Variants in PSTPIP2 observed in about 807,000 individuals in gnomAD.
PSTPIP2 encodes proline-serine-threonine phosphatase interacting protein 2.
In PSTPIP2, 33 loss-of-function variants were observed where a neutral mutation model predicts 63.3. That is an observed-to-expected ratio of 0.52 (90% CI 0.40 to 0.70). PSTPIP2 has a LOEUF of 0.70. Ranked by LOEUF, PSTPIP2 falls within the 30% of genes least tolerant of loss-of-function variation. The pLI, the probability that PSTPIP2 is intolerant of heterozygous loss-of-function variation, is 0.00. For missense variants in PSTPIP2, 312 were observed against 400.7 expected (o/e 0.78, Z 1.89); for synonymous variants, 125 against 132.7 (o/e 0.94, Z 0.40).
At chr18:46,005,837 A>C (rs112155707) in intron 5 of PSTPIP2, among the ~76,000 whole-genome samples, 2 of 152,232 alleles carry the variant, frequency 1.3e-5, no homozygotes, top group African/African-American at 4.8e-5. Flanking sequence ...TTTGGTTTCA[A>C]AAAGGAATTT....
chr18:46,064,460 T>TTA (rs1463523642), intron 1 of PSTPIP2, among the ~76,000 whole-genome samples: 1 of 143,018 alleles, frequency 7.0e-6, no homozygotes, highest in Non-Finnish European at 1.5e-5. Context: ...CTGGCTAATT[T>TTA]TTTTTTTTTT....
intron 1 of PSTPIP2, among the ~76,000 whole-genome samples, chr18:46,050,608 T>C (rs757412056): frequency 1.8e-4 from 28 of 152,054 alleles, no homozygotes; most frequent in Non-Finnish European, 2.9e-4. Flanking sequence ...GCAACCTAAA[T>C]ATTCAGCAAT....
At chr18:46,055,608 T>C (rs1254423037) in intron 1 of PSTPIP2, among the ~76,000 whole-genome samples, 1 of 152,216 alleles carries the variant, frequency 6.6e-6, no homozygotes, top group African/African-American at 2.4e-5. Flanking sequence ...CATGAGCCAC[T>C]GTGCCCAGCC....
At chr18:46,030,272 A>C (rs920069609) in intron 2 of PSTPIP2, among the ~76,000 whole-genome samples, 1 of 152,176 alleles carries the variant, frequency 6.6e-6, no homozygotes, top group Non-Finnish European at 1.5e-5. Flanking sequence ...ACTTTCCTGA[A>C]TGTGTGATAA....
intron 3 of PSTPIP2, among the ~76,000 whole-genome samples, chr18:46,023,762 CTA>C (rs1907469456): frequency 1.3e-5 from 2 of 152,008 alleles, no homozygotes; most frequent in Non-Finnish European, 2.9e-5. Context: ...GCCCAGAAGT[CTA>C]TGTCTCTTCA....
intron 1 of PSTPIP2, among the ~76,000 whole-genome samples, chr18:46,064,400 C>T (rs1292535069): frequency 2.1e-5 from 3 of 145,936 alleles, no homozygotes; most frequent in Admixed American, 1.4e-4. Flanking sequence ...AGGCGATTCT[C>T]CTGCCACAGC....
chr18:46,026,586 C>T (rs1014940786), intron 2 of PSTPIP2, among the ~76,000 whole-genome samples: 5 of 152,168 alleles, frequency 3.3e-5, no homozygotes, highest in African/African-American at 1.2e-4. Flanking sequence ...AAGAAAAGTA[C>T]AGGCTGGGCA....
At chr18:46,072,120 T>C (rs2144144521) in intron 1 of PSTPIP2, 36 bp downstream of exon 1, 1 of 1,526,202 alleles carries the variant, frequency 6.6e-7, no homozygotes, top group Non-Finnish European at 8.8e-7. Flanking sequence ...GGCCGGGTCC[T>C]GAGCCCCGCG....
At chr18:45,996,393 C>T (rs2051594445) in intron 9 of PSTPIP2, among the ~76,000 whole-genome samples, 2 of 152,278 alleles carry the variant, frequency 1.3e-5, no homozygotes, top group Admixed American at 6.5e-5. Flanking sequence ...GTTTCTGATT[C>T]GGTAGGTCTG....
chr18:46,064,553 G>C (rs1909113738), intron 1 of PSTPIP2, among the ~76,000 whole-genome samples: 2 of 150,510 alleles, frequency 1.3e-5, no homozygotes, highest in Admixed American at 6.7e-5. Flanking sequence ...ACCCGCCTGG[G>C]CCTCCCAAAG....
rs1050500239 is a variant in PSTPIP2 at position 45,983,877 on chromosome 18, T to C, written c.*1582A>G. On this transcript the variant is annotated 3_prime_UTR_variant, in exon 15 of 15. Coordinates refer to ENST00000409746, the MANE Select transcript of PSTPIP2 (RefSeq NM_024430.4). ...AGGTGGGGAAATAGGCCGGGCGCAG[T>C]GGCTCACGCCTGTAATCCCAGCACT... The C allele has an allele frequency of 3.3e-5, 5 of 152,412 alleles. No individual in the cohort carries two copies. The highest frequency in any genetic ancestry group is 1.2e-4 in the African/African-American group (5 of 41,568). The allele number at this position is 152,412 out of a possible 1,614,324, so 9.4% of individuals were successfully genotyped here.
At chr18:46,016,007 T>C in intron 3 of PSTPIP2, 70 bp from the exon 4 acceptor site, 3 of 1,520,740 alleles carry the variant, frequency 2.0e-6, no homozygotes, top group East Asian at 4.7e-5. Flanking sequence ...ATAATGCCTT[T>C]GCATGCTTCT....
In PSTPIP2 at chr18:46,022,682, G is replaced by C. The variant is rs79843032; in HGVS notation, c.212+1927C>G. On this transcript the variant is annotated intron_variant, in intron 3 of 14. Transcript: ENST00000409746. ...ACCCTTCTAAGTGTGAGTTGCCACA[G>C]GACACCAGGGAAACCAGCCTTGTGT... Among the ~76,000 whole-genome samples the C allele has an allele frequency of 5.4e-3, 824 of 152,266 alleles. 13 individuals carry two copies. The highest frequency in any genetic ancestry group is 4.4e-3 in the Non-Finnish European group (296 of 68,018).
intron 1 of PSTPIP2, among the ~76,000 whole-genome samples, chr18:46,060,162 TTATTA>T (rs1253172087): frequency 6.6e-6 from 1 of 152,202 alleles, no homozygotes. Flanking sequence ...CTTTATAATA[TTATTA>T]TATTTCAAAT....
chr18:46,057,389 G>A (rs547678721), intron 1 of PSTPIP2, among the ~76,000 whole-genome samples: 69 of 151,290 alleles, frequency 4.6e-4, no homozygotes, highest in African/African-American at 1.5e-3. Flanking sequence ...GTACAATGGC[G>A]CAGTCTCAGC....
chr18:46,060,151 T>C (rs1223744262), intron 1 of PSTPIP2, among the ~76,000 whole-genome samples: 1 of 152,216 alleles, frequency 6.6e-6, no homozygotes, highest in East Asian at 1.9e-4. Context: ...CATTTAAATA[T>C]CTTTATAATA....
At chr18:46,019,523 G>A (rs765314883) in intron 3 of PSTPIP2, among the ~76,000 whole-genome samples, 4 of 152,038 alleles carry the variant, frequency 2.6e-5, no homozygotes, top group East Asian at 1.9e-4. Flanking sequence ...TATTGAGGCC[G>A]GGTGCAGTGG....
Position 46,007,486 on chromosome 18 carries a change from G to C in PSTPIP2, c.355-1955C>G, listed in dbSNP as rs76162070. 6.5e-4 allele frequency among the ~76,000 whole-genome samples: 99 copies of C among 152,372 alleles called. No homozygotes were observed. In the East Asian group the frequency reaches 9.1e-3, roughly 14 times the overall value. Reference sequence around the variant, plus strand: ...CTGCCACTGCAGTCAGGAACCTGCGGTTCACATGCATGACTGTGTCCCTCT... The same window carrying C: ...CTGCCACTGCAGTCAGGAACCTGCGCTTCACATGCATGACTGTGTCCCTCT... On this transcript the variant is annotated intron_variant, in intron 5 of 14. Coordinates refer to ENST00000409746, the MANE Select transcript of PSTPIP2 (RefSeq NM_024430.4).
At chr18:46,062,685 T>G (rs1313361360) in intron 1 of PSTPIP2, among the ~76,000 whole-genome samples, 1 of 152,022 alleles carries the variant, frequency 6.6e-6, no homozygotes, top group Non-Finnish European at 1.5e-5. Flanking sequence ...TGGCTAATTT[T>G]TTTCTACTTT....
Sources: allele counts gnomAD v4.1 joint callset (sites outside exome capture counted in the v4.1 genomes callset), GRCh38; gene constraint gnomAD v4.1.1; transcripts MANE v1.5; gene names NCBI Gene and HGNC (gene_info 2026-07-23, HGNC 2026-07-21).